Variants in KIAA1328 observed in about 807,000 individuals in gnomAD.
The protein encoded by KIAA1328 is KIAA1328, also known as protein hinderin.
KIAA1328 carries 52 observed loss-of-function variants against 68.1 expected under a neutral mutation model. The ratio of observed to expected loss-of-function variants is 0.76; its 90% CI spans 0.61 to 0.96. The LOEUF (loss-of-function observed/expected upper bound fraction) is 0.96. Ranked by LOEUF, KIAA1328 falls within the 40% of genes least tolerant of loss-of-function variation. The pLI is 0.00. For synonymous variants in KIAA1328, 232 were observed against 239.4 expected, an observed-to-expected ratio of 0.97 and a Z score of 0.28; for missense variants, 641 against 677.6, an observed-to-expected ratio of 0.95 and a Z score of 0.60.
At chr18:37,100,599 G>T (rs1466473949) in intron 7 of KIAA1328, among the ~76,000 whole-genome samples, 1 of 152,194 alleles carries the variant, frequency 6.6e-6, no homozygotes, top group African/African-American at 2.4e-5. Context: ...TGGGGGCAGG[G>T]CATAGCCAAA....
chr18:36,942,384 A>G (rs923807383), intron 5 of KIAA1328, among the ~76,000 whole-genome samples: 7 of 152,362 alleles, frequency 4.6e-5, no homozygotes, highest in Middle Eastern at 3.4e-3. Context: ...CTGACTGTAT[A>G]TGAAATTTCA....
intron 5 of KIAA1328, among the ~76,000 whole-genome samples, chr18:36,927,661 G>A (rs2059625437): frequency 6.6e-6 from 1 of 152,122 alleles, no homozygotes; most frequent in Non-Finnish European, 1.5e-5. Context: ...GTTGAGGTGG[G>A]AGAATTACCT....
chr18:36,871,322 A>AT (rs1202922008), intron 4 of KIAA1328, among the ~76,000 whole-genome samples: 10 of 152,126 alleles, frequency 6.6e-5, no homozygotes, highest in Non-Finnish European at 1.3e-4. Flanking sequence ...CAGATGATGC[A>AT]TTTTTTGGCA....
At chr18:36,921,759 G>T (rs2049934879) in intron 5 of KIAA1328, among the ~76,000 whole-genome samples, 1 of 152,040 alleles carries the variant, frequency 6.6e-6, no homozygotes, top group Admixed American at 6.6e-5. Context: ...GACTTGTGTG[G>T]TTCATTCTCT....
At chr18:37,105,539 A>C (rs2151885631) in intron 7 of KIAA1328, among the ~76,000 whole-genome samples, 1 of 151,886 alleles carries the variant, frequency 6.6e-6, no homozygotes, top group East Asian at 1.9e-4. Flanking sequence ...ACTGCAGAAA[A>C]GTATTTGCTA....
chr18:37,034,488 GA>G (rs2054953186), intron 6 of KIAA1328, among the ~76,000 whole-genome samples: 1 of 152,116 alleles, frequency 6.6e-6, no homozygotes, highest in South Asian at 2.1e-4. Context: ...CTCAGGCTGG[GA>G]ATCAAACTTA....
At chr18:37,212,417 G>A (rs902559871) in intron 9 of KIAA1328, among the ~76,000 whole-genome samples, 6 of 152,144 alleles carry the variant, frequency 3.9e-5, no homozygotes, top group African/African-American at 1.4e-4. Context: ...TAGGACTTGA[G>A]GGCAGGGCCA....
Position 37,113,569 on chromosome 18 carries a change from G to A in KIAA1328, c.1232+46024G>A, listed in dbSNP as rs112503789. Among the ~76,000 whole-genome samples the A allele has an allele frequency of 3.6e-3, 552 of 152,280 alleles. 2 individuals carry two copies. The highest frequency in any genetic ancestry group is 6.3e-3 in the Non-Finnish European group (431 of 68,014). ...CTGCAAAAACATGCCAAATTGTAAA[G>A]ACCATTGATGCTAGGAAGAAACTGC... On this transcript the variant is annotated intron_variant, in intron 7 of 9. Coordinates refer to ENST00000280020, the MANE Select transcript of KIAA1328 (RefSeq NM_020776.3).
chr18:37,148,606 T>C (rs1158546738), intron 7 of KIAA1328, among the ~76,000 whole-genome samples: 1 of 152,240 alleles, frequency 6.6e-6, no homozygotes, highest in African/African-American at 2.4e-5. Context: ...AGCGTTCCTA[T>C]TTCTCTGCAA....
intron 7 of KIAA1328, among the ~76,000 whole-genome samples, chr18:37,102,202 A>C (rs572121368): frequency 1.3e-5 from 2 of 152,232 alleles, no homozygotes; most frequent in Non-Finnish European, 2.9e-5. Context: ...GCTTCAACAT[A>C]TGCAATTCAC....
intron 7 of KIAA1328, among the ~76,000 whole-genome samples, chr18:37,139,314 G>GT (rs1280575185): frequency 6.6e-6 from 1 of 152,002 alleles, no homozygotes; most frequent in Admixed American, 6.6e-5. Flanking sequence ...TCATTCACAG[G>GT]TCCATTGCAG....
intron 9 of KIAA1328, 72 bp from the exon 10 acceptor site, chr18:37,221,945 T>G: frequency 6.8e-7 from 1 of 1,461,868 alleles, no homozygotes; most frequent in Non-Finnish European, 9.4e-7. Context: ...GACAGCCCAT[T>G]TCTGCTGGGC....
chr18:37,153,123 C>G (rs190501739), intron 7 of KIAA1328, among the ~76,000 whole-genome samples: 2 of 152,150 alleles, frequency 1.3e-5, no homozygotes, highest in Non-Finnish European at 2.9e-5. Context: ...ACACTTGGTC[C>G]GACCAATCTT....
chr18:36,940,389 A>C (rs1037089400), intron 5 of KIAA1328, among the ~76,000 whole-genome samples: 2 of 152,222 alleles, frequency 1.3e-5, no homozygotes, highest in Non-Finnish European at 1.5e-5. Context: ...CCTTCCTGAC[A>C]GTAAGTTTTT....
intron 6 of KIAA1328, among the ~76,000 whole-genome samples, chr18:37,002,255 G>C (rs1401756664): frequency 1.0e-5 from 1 of 98,624 alleles, no homozygotes; most frequent in African/African-American, 3.8e-5. Context: ...TTTTGAGACA[G>C]TATCTCATTC....
chr18:36,878,445 A>G (rs1050654428), intron 4 of KIAA1328, among the ~76,000 whole-genome samples: 1 of 151,666 alleles, frequency 6.6e-6, no homozygotes, highest in Non-Finnish European at 1.5e-5. Context: ...TGCCCTTAAC[A>G]TTTTTTCCTT....
intron 8 of KIAA1328, among the ~76,000 whole-genome samples, chr18:37,169,627 A>G (rs2059461897): frequency 1.3e-5 from 2 of 152,220 alleles, no homozygotes; most frequent in African/African-American, 4.8e-5. Flanking sequence ...TATAAATGGA[A>G]CAAATACAAT....
At chr18:37,094,944 GT>G (rs1189074033) in intron 7 of KIAA1328, among the ~76,000 whole-genome samples, 5 of 136,892 alleles carry the variant, frequency 3.7e-5, no homozygotes, top group African/African-American at 6.8e-5. Context: ...GACAAAATAG[GT>G]TTTATGTCAA....
chr18:37,217,272 T>G (rs1045063180), intron 9 of KIAA1328, among the ~76,000 whole-genome samples: 4 of 152,192 alleles, frequency 2.6e-5, no homozygotes, highest in Non-Finnish European at 5.9e-5. Flanking sequence ...TCGATGGTCT[T>G]TACAATTTGG....
Sources: allele counts gnomAD v4.1 joint callset (sites outside exome capture counted in the v4.1 genomes callset), GRCh38; gene constraint gnomAD v4.1.1; transcripts MANE v1.5; gene names NCBI Gene and HGNC (gene_info 2026-07-23, HGNC 2026-07-21).